RBFOX1: variants seen among roughly 807,000 people sequenced by gnomAD.
RBFOX1 encodes RNA binding fox-1 homolog 1, also known as RNA binding protein fox-1 homolog 1.
A neutral mutation model predicts 57.7 loss-of-function variants in RBFOX1; 8 were observed. The ratio of observed to expected loss-of-function variants is 0.14; its 90% CI spans 0.08 to 0.25. The LOEUF (loss-of-function observed/expected upper bound fraction) is 0.25. Ranked by LOEUF, RBFOX1 falls within the 10% of genes least tolerant of loss-of-function variation. The probability of loss-of-function intolerance (pLI) is 1.00; values close to 1 mark genes in which losing one functional copy is unlikely to be tolerated. For synonymous variants in RBFOX1, 326 were observed against 222.4 expected (o/e 1.47, Z -4.15); for missense variants, 611 against 548.5 (o/e 1.11, Z -1.14).
chr16:6,194,424 T>A (rs927586392), intron 1 of RBFOX1, among the ~76,000 whole-genome samples: 4 of 152,190 alleles, frequency 2.6e-5, no homozygotes, highest in Non-Finnish European at 5.9e-5. Flanking sequence ...ATGACCAAGC[T>A]TAGTAACGTG....
intron 1 of RBFOX1, among the ~76,000 whole-genome samples, chr16:6,294,468 T>A (rs1243740644): frequency 2.0e-5 from 3 of 152,202 alleles, no homozygotes; most frequent in African/African-American, 7.2e-5. Flanking sequence ...ACTTAGATAA[T>A]CTCACTTGCA....
chr16:5,468,693 T>C (rs1193202087), intron 2 of RBFOX1, among the ~76,000 whole-genome samples: 1 of 152,220 alleles, frequency 6.6e-6, no homozygotes, highest in African/African-American at 2.4e-5. Context: ...AGTGGAATAT[T>C]ATACAGCCAT....
At chr16:6,073,154 G>T (rs538985743) in intron 1 of RBFOX1, among the ~76,000 whole-genome samples, 15 of 152,218 alleles carry the variant, frequency 9.9e-5, no homozygotes, top group South Asian at 4.1e-4. Flanking sequence ...TCTAATGGGG[G>T]TTGGCCACAA....
intron 1 of RBFOX1, among the ~76,000 whole-genome samples, chr16:6,203,104 G>C (rs1184755805): frequency 6.6e-6 from 1 of 151,304 alleles, no homozygotes; most frequent in Non-Finnish European, 1.5e-5. Context: ...TGTGGTAAGA[G>C]CACTTGAAAA....
intron 5 of RBFOX1, among the ~76,000 whole-genome samples, chr16:7,567,221 A>T (rs2091942127): frequency 2.2e-5 from 1 of 45,978 alleles, no homozygotes; most frequent in Non-Finnish European, 4.7e-5. Flanking sequence ...ATATCCATAT[A>T]TATATCCCTA....
At chr16:5,710,931 TAA>T (rs1240723278) in intron 3 of RBFOX1, among the ~76,000 whole-genome samples, 3 of 152,198 alleles carry the variant, frequency 2.0e-5, no homozygotes, top group African/African-American at 4.8e-5. Context: ...TGCTGTGTGT[TAA>T]GTTTTCCTTC....
chr16:6,466,209 G>A (rs1189162764), intron 2 of RBFOX1, among the ~76,000 whole-genome samples: 3 of 146,072 alleles, frequency 2.1e-5, no homozygotes, highest in East Asian at 2.0e-4. Context: ...CAGCCTGGGC[G>A]ACAGATTAAA....
intron 10 of RBFOX1, among the ~76,000 whole-genome samples, chr16:7,611,352 G>A (rs973342357): frequency 3.3e-5 from 5 of 152,256 alleles, no homozygotes; most frequent in East Asian, 1.9e-4. Context: ...TTGAGAGGCC[G>A]AGGAGGGTGG....
intron 4 of RBFOX1, among the ~76,000 whole-genome samples, chr16:7,116,060 C>G (rs140446262): frequency 6.6e-5 from 10 of 152,262 alleles, no homozygotes; most frequent in African/African-American, 2.4e-4. Flanking sequence ...GTTTTCATAA[C>G]AGCCCTTTCT....
chr16:7,612,253 G>A lies in RBFOX1; in HGVS notation c.676+4915G>A, dbSNP rs566441675. On this transcript the variant is annotated intron_variant, in intron 10 of 15. Transcript: ENST00000550418. The stretch of plus-strand genomic sequence containing the variant: ...GGAGAATGGCATGAACCCGGGAGGC[G>A]GAGCTTGCAGTGAGCCCAGATCGCG... Among the ~76,000 whole-genome samples, 8 of 148,014 alleles carry A rather than the reference G, an allele frequency of 5.4e-5. No homozygotes were observed. The South Asian group carries it at 6.4e-4, about 12-fold the overall frequency.
At chr16:7,239,288 C>T (rs2093936233) in intron 4 of RBFOX1, among the ~76,000 whole-genome samples, 1 of 152,086 alleles carries the variant, frequency 6.6e-6, no homozygotes, top group African/African-American at 2.4e-5. Flanking sequence ...CATTTGAGGT[C>T]AGGAGTTTGA....
At chr16:6,982,448 T>G (rs2089176859) in intron 3 of RBFOX1, among the ~76,000 whole-genome samples, 1 of 152,128 alleles carries the variant, frequency 6.6e-6, no homozygotes, top group Non-Finnish European at 1.5e-5. Flanking sequence ...AGTCCTTTCA[T>G]TGCAGCGAGC....
intron 3 of RBFOX1, among the ~76,000 whole-genome samples, chr16:6,843,530 T>C (rs1223915141): frequency 6.6e-6 from 1 of 150,638 alleles, no homozygotes; most frequent in East Asian, 2.0e-4. Flanking sequence ...GTACTAAAAA[T>C]AAAAAAAAAT....
At chr16:7,599,065 A>G (rs373306805) in intron 9 of RBFOX1, among the ~76,000 whole-genome samples, 15 of 152,340 alleles carry the variant, frequency 9.8e-5, no homozygotes, top group African/African-American at 3.4e-4. Flanking sequence ...CTATTCTGCT[A>G]TTTTTCTCAG....
chr16:6,893,462 T>C (rs775576427), intron 3 of RBFOX1, among the ~76,000 whole-genome samples: 2 of 152,192 alleles, frequency 1.3e-5, no homozygotes, highest in Non-Finnish European at 2.9e-5. Flanking sequence ...ACCTGAACTC[T>C]AGTAGCTGTG....
chr16:5,755,315 C>A, intron 3 of RBFOX1, among the ~76,000 whole-genome samples: 1 of 151,966 alleles, frequency 6.6e-6, no homozygotes, highest in Non-Finnish European at 1.5e-5. Flanking sequence ...TCTTTCTACA[C>A]AGACACAGTA....
At position 5,834,918 on chromosome 16, in the gene RBFOX1, C is replaced by G. The variant is rs1176408395; in HGVS notation, c.319-32385C>G. On this transcript the variant is annotated intron_variant, in intron 3 of 19. Coordinates refer to the RBFOX1 transcript ENST00000641259. ...ATCTACTTTCAGATCTCTGAGAAAC[C>G]TGCATAGCGTTTTCCACAGAGGTGT... Among the ~76,000 whole-genome samples the G allele has an allele frequency of 3.3e-5, 5 of 152,192 alleles. No homozygotes were observed. In the East Asian group the frequency reaches 7.7e-4, roughly 23 times the overall value.
At chr16:6,057,079 G>GT (rs929552261) in intron 1 of RBFOX1, 4 of 136,044 alleles carry the variant, frequency 2.9e-5, no homozygotes, top group South Asian at 2.3e-4. Flanking sequence ...GAACACAGGA[G>GT]GGGGGGGAAT....
At chr16:7,374,557 A>G (rs552173030) in intron 4 of RBFOX1, among the ~76,000 whole-genome samples, 2 of 152,152 alleles carry the variant, frequency 1.3e-5, no homozygotes, top group Non-Finnish European at 2.9e-5. Flanking sequence ...TAGCAATCCT[A>G]ACCCCACCCC....
Sources: gnomAD v4.1 joint callset for allele counts (sites outside exome capture counted in the v4.1 genomes callset) on GRCh38, gnomAD v4.1.1 for gene constraint, MANE v1.5 for transcripts, NCBI Gene and HGNC (gene_info 2026-07-23, HGNC 2026-07-21) for gene names.